The following NSMCE4A variants were observed in gnomAD, a reference collection of about 807,000 sequenced individuals.
NSMCE4A encodes the protein non-structural maintenance of chromosomes element 4 homolog A.
A neutral mutation model predicts 47.9 loss-of-function variants in NSMCE4A; 40 were observed. The observed-to-expected ratio is 0.83, with a 90% confidence interval of 0.65 to 1.09. The LOEUF is 1.09. Ranked by LOEUF, NSMCE4A falls within the 50% of genes least tolerant of loss-of-function variation. The pLI, the probability that NSMCE4A is intolerant of heterozygous loss-of-function variation, is 0.00. For missense variants in NSMCE4A, 500 were observed against 507.0 expected (o/e 0.99, Z 0.13); for synonymous variants, 166 against 178.5 (o/e 0.93, Z 0.56).
chr10:121,962,779 A>C (rs960767794), intron 6 of NSMCE4A, among the ~76,000 whole-genome samples: 3 of 151,896 alleles, frequency 2.0e-5, no homozygotes, highest in Non-Finnish European at 2.9e-5. Context: ...CACCCGGTTA[A>C]TTTTGTATTT....
chr10:121,971,023 C>G lies in NSMCE4A; in HGVS notation c.417G>C (p.Leu139Phe), dbSNP rs1590790856. 6.2e-7 allele frequency: 1 copy of G among 1,613,840 alleles called. No individual in the cohort carries two copies. Among genetic ancestry groups the G allele is most frequent in the Non-Finnish European group, 8.5e-7 (1 of 1,179,890 alleles). Reference protein sequence around the residue: ...EAVLDAHFLVLASDLGKEKAK... With the variant: ...EAVLDAHFLVFASDLGKEKAK... Reference sequence around the variant, plus strand: ...CTTTCTCTTTGCCCAAATCTGAAGCCAAAACAAGAAAGTGGGCATCCAGGA... The same window carrying G: ...CTTTCTCTTTGCCCAAATCTGAAGCGAAAACAAGAAAGTGGGCATCCAGGA... Residue 139 changes from leucine to phenylalanine, a missense_variant, in exon 3 of 11, where the codon TTG (leucine) becomes TTC (phenylalanine). Transcript: ENST00000369023.
chr10:121,971,812 G>A (rs991067860), intron 2 of NSMCE4A, among the ~76,000 whole-genome samples: 1 of 152,176 alleles, frequency 6.6e-6, no homozygotes, highest in African/African-American at 2.4e-5. Flanking sequence ...CTAAGCAATA[G>A]GTAAGTTGCT....
chr10:121,964,999 T>C (rs1312796461), intron 5 of NSMCE4A, among the ~76,000 whole-genome samples: 1 of 152,088 alleles, frequency 6.6e-6, no homozygotes, highest in Non-Finnish European at 1.5e-5. Flanking sequence ...CATCCTACAA[T>C]GCGCAGGACA....
At chr10:121,963,697 G>A (rs552140562) in intron 5 of NSMCE4A, among the ~76,000 whole-genome samples, 7 of 151,956 alleles carry the variant, frequency 4.6e-5, no homozygotes, top group Admixed American at 1.3e-4. Context: ...TGGCTAACAC[G>A]GTGAAACCCC....
At chr10:121,966,732 G>A (rs1441976732) in intron 4 of NSMCE4A, 1 of 152,152 alleles carries the variant, frequency 6.6e-6, no homozygotes, top group East Asian at 1.9e-4. Context: ...AACTCAGATG[G>A]CTACCCTAAA....
chr10:121,965,533 A>C, intron 4 of NSMCE4A, 148 bp from the exon 5 acceptor site: 2 of 623,170 alleles, frequency 3.2e-6, no homozygotes, highest in South Asian at 2.2e-5. Context: ...AAGACTCTTG[A>C]TAAGGTTTGT....
At chr10:121,965,509 G>C in intron 4 of NSMCE4A, 124 bp from the exon 5 acceptor site, 1 of 675,094 alleles carries the variant, frequency 1.5e-6, no homozygotes, top group South Asian at 1.9e-5. Context: ...TGATATACAA[G>C]CTGACATCAG....
At position 121,960,496 on chromosome 10, in the gene NSMCE4A, G is replaced by GT; in HGVS notation, c.940-91dup. The stretch of plus-strand genomic sequence containing the variant: ...TGGAAAAAATTACTCAGAAAATTCA[G>GT]TATCTCAGAAAATCAAATTACACCA... On this transcript the variant is annotated intron_variant, in intron 7 of 10. Transcript: ENST00000369023. This position sits in a 1 kb window ranked among gnomAD's most constrained non-coding sequence, Gnocchi z 4.2. 2 of 872,360 alleles carry GT rather than the reference G, an allele frequency of 2.3e-6. No homozygotes were observed. The highest frequency in any genetic ancestry group is 3.4e-6 in the Non-Finnish European group (2 of 581,614). The allele number at this position is 872,360 out of a possible 1,614,324, so 54.0% of individuals were successfully genotyped here.
chr10:121,974,950 G>C lies in NSMCE4A; in HGVS notation c.216C>G (p.Ser72Arg). 6.5e-7 allele frequency: 1 copy of C among 1,532,722 alleles called. No individual in the cohort carries two copies. Among genetic ancestry groups the C allele is most frequent in the South Asian group, 1.2e-5 (1 of 82,070 alleles). The allele number at this position is 1,532,722 out of a possible 1,614,324, so 94.9% of individuals were successfully genotyped here. A position where few individuals can be genotyped will look rare whatever the true frequency, so the allele number is the denominator to read the frequency against. Residue 72 changes from serine (S) to arginine (R), a missense_variant, in exon 1 of 11, where the codon AGC (serine) becomes AGG (arginine). Transcript: ENST00000369023. ...GGCCTTGGTCGGCCTCCGCCTCCAA[G>C]CTGGCCGGGTCCATCATCTCGTCCC... The part of the protein sequence containing the change: ...DSGDEMMDPA[S>R]LEAEADQGLC...
chr10:121,973,944 T>A (rs1952765972), intron 2 of NSMCE4A, 60 bp downstream of exon 2: 1 of 1,172,466 alleles, frequency 8.5e-7, no homozygotes, highest in Non-Finnish European at 1.2e-6. Flanking sequence ...ATTTGGCGCT[T>A]ATGTAACACT....
At chr10:121,974,454 G>A (rs1952777068) in intron 1 of NSMCE4A, 3 of 1,011,510 alleles carry the variant, frequency 3.0e-6, no homozygotes, top group African/African-American at 3.4e-5. Flanking sequence ...CCGCGGGTCC[G>A]GGTGGGGTCC....
chr10:121,972,770 C>T (rs1232756613), intron 2 of NSMCE4A, among the ~76,000 whole-genome samples: 4 of 152,090 alleles, frequency 2.6e-5, no homozygotes, highest in Admixed American at 2.0e-4. Context: ...GAGAAACACC[C>T]GGTTCCTGAA....
intron 1 of NSMCE4A, 150 bp downstream of exon 1, chr10:121,974,724 T>G: frequency 8.8e-7 from 1 of 1,139,024 alleles, no homozygotes; most frequent in Non-Finnish European, 1.1e-6. Flanking sequence ...CAATTTAAGG[T>G]GCGGCGAGGG....
At position 121,974,925 on chromosome 10, in the gene NSMCE4A, G is replaced by A. The variant is rs1590797158; in HGVS notation, c.241C>T (p.Leu81=). ...ASLEAEADQG[L]CRQIRHQYRA... ...TACTGATGGCGGATCTGGCGGCACAGGCCTTGGTCGGCCTCCGCCTCCAAG... is the reference window on the plus strand; with the variant it reads ...TACTGATGGCGGATCTGGCGGCACAAGCCTTGGTCGGCCTCCGCCTCCAAG... Residue 81 remains leucine (L), a synonymous_variant, in exon 1 of 11, where the codon CTG becomes TTG. Transcript: ENST00000369023. 3 of 1,532,858 alleles carry A rather than the reference G, an allele frequency of 2.0e-6. No homozygotes were observed. The highest frequency in any genetic ancestry group is 1.8e-4 in the Middle Eastern group (1 of 5,674). 95.0% of individuals were successfully genotyped at this position (1,532,858 alleles called of 1,614,324 possible). A position where few individuals can be genotyped will look rare whatever the true frequency, so the allele number is the denominator to read the frequency against.
chr10:121,970,850 A>C (rs879557061), intron 3 of NSMCE4A, 89 bp downstream of exon 3: 377 of 1,167,690 alleles, frequency 3.2e-4, no homozygotes, highest in Non-Finnish European at 4.2e-4. Flanking sequence ...GAATGAAGTG[A>C]AATCATCTGC....
intron 3 of NSMCE4A, among the ~76,000 whole-genome samples, chr10:121,969,354 A>G (rs953535383): frequency 1.3e-5 from 2 of 152,182 alleles, no homozygotes; most frequent in African/African-American, 4.8e-5. Flanking sequence ...GGGCAACAAG[A>G]GCAAGACTCT....
chr10:121,965,227 AT>A, intron 5 of NSMCE4A, 58 bp downstream of exon 5: 1 of 1,274,482 alleles, frequency 7.8e-7, no homozygotes, highest in Non-Finnish European at 1.1e-6. Flanking sequence ...CATGCACATT[AT>A]TTTAACAGCT....
chr10:121,958,056 C>T (rs937008711), intron 10 of NSMCE4A, among the ~76,000 whole-genome samples: 3 of 151,952 alleles, frequency 2.0e-5, no homozygotes, highest in South Asian at 2.1e-4. Context: ...GGTGAAATCC[C>T]GTCTCTACTA....
intron 4 of NSMCE4A, 101 bp from the exon 5 acceptor site, chr10:121,965,486 G>C: frequency 1.2e-6 from 1 of 812,746 alleles, no homozygotes; most frequent in Non-Finnish European, 2.1e-6. Context: ...GTCAAATTCA[G>C]ACCAGACATC....
Sources: gnomAD v4.1 joint callset for allele counts (sites outside exome capture counted in the v4.1 genomes callset) on GRCh38, gnomAD v4.1.1 for gene constraint, Gnocchi (gnomAD v3.1) non-coding constraint, MANE v1.5 for transcripts, NCBI Gene and HGNC (gene_info 2026-07-23, HGNC 2026-07-21) for gene names.